The following CHD2 variants were observed in gnomAD, a reference collection of about 807,000 sequenced individuals.
CHD2 encodes the protein chromodomain helicase DNA binding protein 2, also known as ATP-dependent chromatin remodeler CHD2.
In CHD2, 28 loss-of-function variants were observed where a neutral mutation model predicts 243.9. The observed-to-expected ratio is 0.11, with a 90% CI of 0.09 to 0.16. The LOEUF (loss-of-function observed/expected upper bound fraction) is 0.16. Ranked by LOEUF, CHD2 falls within the 10% of genes least tolerant of loss-of-function variation. The probability of loss-of-function intolerance (pLI) is 1.00; values close to 1 mark genes in which losing one functional copy is unlikely to be tolerated. For missense variants in CHD2, 1,386 were observed against 2,209.8 expected (o/e 0.63, Z 7.47); for synonymous variants, 775 against 779.0 (o/e 0.99, Z 0.09).
chr15:92,968,420 A>C (rs1013902489), intron 17 of CHD2, among the ~76,000 whole-genome samples: 5 of 152,234 alleles, frequency 3.3e-5, no homozygotes, highest in Non-Finnish European at 7.3e-5. Context: ...TATACTCATA[A>C]GTAAGTGTAA....
chr15:92,961,527 G>A (rs2053687281), intron 16 of CHD2, among the ~76,000 whole-genome samples: 1 of 152,056 alleles, frequency 6.6e-6, no homozygotes, highest in Non-Finnish European at 1.5e-5. Context: ...TGTCTCTTGA[G>A]TAGCTGGGGC....
chr15:92,930,373 C>A (rs1306181692), intron 5 of CHD2, among the ~76,000 whole-genome samples: 2 of 152,088 alleles, frequency 1.3e-5, no homozygotes, highest in African/African-American at 4.8e-5. Flanking sequence ...GCGTTTTTTT[C>A]AGTCACTGTA....
At chr15:92,940,022 A>G (rs1417714974) in intron 7 of CHD2, among the ~76,000 whole-genome samples, 1 of 152,208 alleles carries the variant, frequency 6.6e-6, no homozygotes, top group Non-Finnish European at 1.5e-5. Context: ...TTTCCATTAA[A>G]GATATTTGGA....
chr15:93,005,456 C>T (rs2054308354), intron 34 of CHD2, among the ~76,000 whole-genome samples: 1 of 152,164 alleles, frequency 6.6e-6, no homozygotes, highest in African/African-American at 2.4e-5. Flanking sequence ...CACTGTGCCA[C>T]CATCCCTTCC....
At chr15:93,002,343 G>C in intron 33 of CHD2, 26 bp downstream of exon 33, 1 of 1,582,170 alleles carries the variant, frequency 6.3e-7, no homozygotes, top group Non-Finnish European at 8.5e-7. Flanking sequence ...TGTTCATGCA[G>C]ATATCCACAG....
At chr15:93,020,334 T>C (rs747282247) in intron 38 of CHD2, 76 bp downstream of exon 38, 2 of 1,549,196 alleles carry the variant, frequency 1.3e-6, no homozygotes, top group Non-Finnish European at 1.8e-6. Context: ...GACGTATACA[T>C]GAATGTATTT....
At chr15:92,902,843 CTT>C (rs1469645447) in intron 2 of CHD2, 1 of 152,322 alleles carries the variant, frequency 6.6e-6, no homozygotes, top group East Asian at 1.9e-4. Context: ...TTTTGGCTCT[CTT>C]ATGCAAGGTT....
At chr15:92,940,126 A>G (rs2053335060) in intron 7 of CHD2, among the ~76,000 whole-genome samples, 3 of 152,224 alleles carry the variant, frequency 2.0e-5, no homozygotes, top group African/African-American at 4.8e-5. Context: ...TTTATCAAGT[A>G]CTAATAGGAT....
At chr15:92,992,771 A>C in intron 27 of CHD2, 88 bp from the exon 28 acceptor site, 1 of 1,515,056 alleles carries the variant, frequency 6.6e-7, no homozygotes, top group East Asian at 2.3e-5. Flanking sequence ...TTGCAGGAGA[A>C]GATTATGTGA....
chr15:93,010,672 C>T (rs1214664988), intron 35 of CHD2, among the ~76,000 whole-genome samples: 1 of 152,228 alleles, frequency 6.6e-6, no homozygotes, highest in Non-Finnish European at 1.5e-5. Flanking sequence ...GATCCGCCCG[C>T]CTTGACCTCC....
At chr15:92,915,678 T>C (rs2052820895) in intron 2 of CHD2, among the ~76,000 whole-genome samples, 1 of 152,212 alleles carries the variant, frequency 6.6e-6, no homozygotes, top group Non-Finnish European at 1.5e-5. Context: ...GTAAATATGT[T>C]TTGTGTTTTA....
chr15:93,000,922 G>A (rs2054247102), intron 32 of CHD2, among the ~76,000 whole-genome samples: 1 of 152,230 alleles, frequency 6.6e-6, no homozygotes, highest in Admixed American at 6.5e-5. Flanking sequence ...AGGCTGGAGT[G>A]CAATGGCACA....
chr15:92,976,038 A>G (rs1172538707), intron 20 of CHD2, among the ~76,000 whole-genome samples: 3 of 152,382 alleles, frequency 2.0e-5, no homozygotes, highest in East Asian at 1.9e-4. Flanking sequence ...GGTAATCAAC[A>G]TAAAGCACTG....
chr15:92,940,772 T>A (rs1240777750), intron 7 of CHD2, among the ~76,000 whole-genome samples: 4 of 138,636 alleles, frequency 2.9e-5, no homozygotes, highest in African/African-American at 7.9e-5. Flanking sequence ...AAAATATATA[T>A]AAAAAATATA....
intron 3 of CHD2, among the ~76,000 whole-genome samples, chr15:92,925,595 C>T (rs1381125677): frequency 1.3e-5 from 2 of 152,192 alleles, no homozygotes; most frequent in Non-Finnish European, 2.9e-5. Context: ...ACTTTCATAG[C>T]TCTAGCAGAG....
intron 37 of CHD2, among the ~76,000 whole-genome samples, chr15:93,018,678 C>G (rs1388191272): frequency 6.6e-6 from 1 of 152,222 alleles, no homozygotes; most frequent in African/African-American, 2.4e-5. Context: ...GAGGGAAAAG[C>G]TGTTCCATGC....
chr15:92,985,908 G>T (rs2054036432), intron 26 of CHD2, among the ~76,000 whole-genome samples: 1 of 151,984 alleles, frequency 6.6e-6, no homozygotes, highest in African/African-American at 2.4e-5. Context: ...TTATTCTCTG[G>T]TTATTCAGAA....
intron 26 of CHD2, among the ~76,000 whole-genome samples, chr15:92,990,426 T>C (rs2054102086): frequency 6.6e-6 from 1 of 152,240 alleles, no homozygotes; most frequent in Non-Finnish European, 1.5e-5. Flanking sequence ...GTGACAATAC[T>C]GATTGTGACC....
chr15:92,982,935 G>A (rs2053997958), intron 24 of CHD2, among the ~76,000 whole-genome samples: 1 of 152,156 alleles, frequency 6.6e-6, no homozygotes, highest in Non-Finnish European at 1.5e-5. Flanking sequence ...CAATAGAAAT[G>A]TATTTCTCAC....
Sources: gnomAD v4.1 joint callset for allele counts (sites outside exome capture counted in the v4.1 genomes callset) on GRCh38, gnomAD v4.1.1 for gene constraint, MANE v1.5 for transcripts, NCBI Gene and HGNC (gene_info 2026-07-23, HGNC 2026-07-21) for gene names.